The following SNX14 variants were observed in gnomAD, a reference collection of about 807,000 sequenced individuals.
SNX14 encodes the protein sorting nexin-14.
SNX14 carries 93 observed loss-of-function variants against 133.8 expected under a neutral mutation model. The ratio of observed to expected loss-of-function variants is 0.70; its 90% CI spans 0.59 to 0.83. SNX14 has a LOEUF of 0.83. SNX14 is among the 40% of genes least tolerant of loss of function. The pLI is 0.00. For synonymous variants in SNX14, 368 were observed against 365.6 expected, an observed-to-expected ratio of 1.01 and a Z score of -0.07; for missense variants, 945 against 1,094.9, an observed-to-expected ratio of 0.86 and a Z score of 1.93.
chr6:85,510,409 T>C (rs1374432942), intron 26 of SNX14, among the ~76,000 whole-genome samples: 1 of 152,216 alleles, frequency 6.6e-6, no homozygotes, highest in Non-Finnish European at 1.5e-5. Context: ...CATATGCTTG[T>C]GTGTAATCTT....
Position 85,543,296 on chromosome 6 carries a change from G to T in SNX14, c.1275C>A (p.Gly425=). The part of the protein sequence containing the change: ...IVEEIQRIAE[G]PYIDVVKLQT... ...GAAGTTTCACAACATCTATGTATGGGCCTTCAGCAACTATTAAAAAAATTC... is the reference window on the plus strand; with the variant it reads ...GAAGTTTCACAACATCTATGTATGGTCCTTCAGCAACTATTAAAAAAATTC... Residue 425 remains glycine (G), a synonymous_variant, in exon 14 of 29, where the codon GGC becomes GGA. Transcript: ENST00000314673. 1 of 1,567,912 alleles carries T rather than the reference G, an allele frequency of 6.4e-7. No homozygotes were observed. The highest frequency in any genetic ancestry group is 2.1e-5 in the Admixed American group (1 of 48,404).
In SNX14 at chr6:85,574,100, G is replaced by A. The variant is rs73751224; in HGVS notation, c.261+158C>T. ...TTTTATAATAAAATCACTGCTTTTAGCAGAGTACCTAAAAAAAACAAAAAA... is the reference window on the plus strand; with the variant it reads ...TTTTATAATAAAATCACTGCTTTTAACAGAGTACCTAAAAAAAACAAAAAA... On this transcript the variant is annotated intron_variant, in intron 2 of 28. Coordinates refer to ENST00000314673, the MANE Select transcript of SNX14 (RefSeq NM_153816.6). 4.5e-3 allele frequency among the ~76,000 whole-genome samples: 580 copies of A among 129,674 alleles called. 5 individuals carry two copies. The highest frequency in any genetic ancestry group is 0.016 in the African/African-American group (550 of 34,640). 85.1% of individuals were successfully genotyped at this position (129,674 alleles called of 152,430 possible).
chr6:85,543,630 G>A lies in SNX14; in HGVS notation c.1239C>T (p.Pro413=), dbSNP rs12720480. 6,486 of 1,584,536 alleles carry A rather than the reference G, an allele frequency of 4.1e-3. 23 individuals carry two copies. The highest frequency in any genetic ancestry group is 7.0e-3 in the Middle Eastern group (42 of 5,966). Residue 413 remains proline (P), a synonymous_variant, in exon 13 of 29, where the codon CCC becomes CCT. Transcript: ENST00000314673. ...TTCTTTGAATCTCTTCTACAATGAA[G>A]GGATCAAATCTAATTTTGTCAATAC... is the stretch of plus-strand genomic sequence containing the variant. ...DESIDKIRFD[P]FIVEEIQRIA...
chr6:85,507,366 TAAAGA>T, intron 27 of SNX14, 77 bp from the exon 28 acceptor site: 1 of 1,251,928 alleles, frequency 8.0e-7, no homozygotes, highest in Non-Finnish European at 1.1e-6. Flanking sequence ...CACACAAAAT[TAAAGA>T]TTGTGGTTAC....
At position 85,593,786 on chromosome 6, in the gene SNX14, A is replaced by C. The variant is rs542528286; in HGVS notation, c.-68T>G. On this transcript the variant is annotated 5_prime_UTR_variant, in exon 1 of 29. Coordinates refer to ENST00000314673, the MANE Select transcript of SNX14 (RefSeq NM_153816.6). ...GAGGTCAAGGCGACCCCCCATCCACACCTCGCGTCCCCGCCCCACCGACTT... is the reference window on the plus strand; with the variant it reads ...GAGGTCAAGGCGACCCCCCATCCACCCCTCGCGTCCCCGCCCCACCGACTT... The C allele has an allele frequency of 1.3e-6, 2 of 1,589,500 alleles. No individual in the cohort carries two copies.
At chr6:85,587,058 G>C (rs916118342) in intron 1 of SNX14, among the ~76,000 whole-genome samples, 1 of 151,410 alleles carries the variant, frequency 6.6e-6, no homozygotes, top group African/African-American at 2.4e-5. Context: ...AAAAAAGAAA[G>C]AGAGAGAGAC....
chr6:85,553,730 G>A (rs1396054356), intron 7 of SNX14, among the ~76,000 whole-genome samples: 1 of 150,782 alleles, frequency 6.6e-6, no homozygotes, highest in African/African-American at 2.4e-5. Context: ...AGCTTGCAGT[G>A]AGCCGAAATC....
At chr6:85,536,161 G>A (rs940850177) in intron 17 of SNX14, among the ~76,000 whole-genome samples, 2 of 152,172 alleles carry the variant, frequency 1.3e-5, no homozygotes, top group South Asian at 2.1e-4. Context: ...GGTTTATGGG[G>A]AACAGTTGCA....
chr6:85,579,352 G>A (rs1374233412), intron 1 of SNX14, among the ~76,000 whole-genome samples: 2 of 152,032 alleles, frequency 1.3e-5, no homozygotes, highest in Non-Finnish European at 2.9e-5. Flanking sequence ...GAGAGAGGCA[G>A]AACAAGATAG....
At chr6:85,553,743 G>A (rs922233421) in intron 7 of SNX14, among the ~76,000 whole-genome samples, 2 of 149,258 alleles carry the variant, frequency 1.3e-5, no homozygotes, top group African/African-American at 4.9e-5. Context: ...CCGAAATCGC[G>A]CCACTGCACT....
At chr6:85,513,691 T>G in intron 26 of SNX14, 109 bp downstream of exon 26, 1 of 765,766 alleles carries the variant, frequency 1.3e-6, no homozygotes, top group East Asian at 2.7e-5. Context: ...TGCAACTATT[T>G]GTAAAATGAA....
intron 28 of SNX14, 78 bp downstream of exon 28, chr6:85,507,151 TCTTA>T: frequency 8.1e-7 from 1 of 1,239,428 alleles, no homozygotes; most frequent in African/African-American, 1.5e-5. Context: ...ACAAGGGTTT[TCTTA>T]CATTTATGTC....
intron 1 of SNX14, among the ~76,000 whole-genome samples, chr6:85,583,731 C>A (rs549499463): frequency 2.1e-4 from 32 of 152,280 alleles, no homozygotes; most frequent in Non-Finnish European, 4.4e-4. Flanking sequence ...CAAACCACTG[C>A]TCAAGGAAAT....
In SNX14 at chr6:85,543,765, CAAAT is replaced by C. The variant is rs770530796; in HGVS notation, c.1109-9_1109-6del. The C allele has an allele frequency of 3.3e-6, 5 of 1,501,398 alleles. No individual in the cohort carries two copies. In the East Asian group the frequency reaches 7.1e-5, roughly 21 times the overall value. 93.0% of individuals were successfully genotyped at this position (1,501,398 alleles called of 1,614,324 possible). ...AAATTCTATCATTAAATTCCTCTAA[CAAAT>C]GAGGGAATGAATAAGAAAAAATAAT... On this transcript the variant is annotated splice_region_variant and splice_polypyrimidine_tract_variant and intron_variant, in intron 12 of 28. Transcript: ENST00000314673.
rs1007050899 is a variant in SNX14 at position 85,543,842 on chromosome 6, G to C, written c.1109-82C>G. ...AAGCTTCAGTCCCATTCTAATTGTA[G>C]CCAATACTAACAGCAGCAATTAGAA... On this transcript the variant is annotated intron_variant, in intron 12 of 28. Transcript: ENST00000314673. The C allele has an allele frequency of 7.4e-6, 6 of 814,940 alleles. No individual in the cohort carries two copies. In the African/African-American group the frequency reaches 1.1e-4, roughly 15 times the overall value. 50.5% of individuals were successfully genotyped at this position (814,940 alleles called of 1,614,324 possible).
At chr6:85,514,746 G>C in intron 23 of SNX14, 117 bp from the exon 24 acceptor site, 1 of 992,598 alleles carries the variant, frequency 1.0e-6, no homozygotes, top group African/African-American at 1.6e-5. Flanking sequence ...AATCAAAACA[G>C]AATATTAGAT....
intron 6 of SNX14, among the ~76,000 whole-genome samples, chr6:85,564,179 CA>C (rs1430844176): frequency 1.3e-5 from 2 of 152,196 alleles, no homozygotes; most frequent in Non-Finnish European, 2.9e-5. Context: ...CACTGATGGA[CA>C]TTTGGGTTGG....
rs1775608945 is a variant in SNX14 at position 85,517,929 on chromosome 6, A to G, written c.2149-54T>C. On this transcript the variant is annotated intron_variant, in intron 22 of 28. Transcript: ENST00000314673. ...AAAAAATAAAGGTAATTTTTAGTAC[A>G]TAATCCAGCAAAATTTATCAATATT... The G allele has an allele frequency of 1.9e-6, 3 of 1,579,278 alleles. No individual in the cohort carries two copies. The South Asian group carries it at 3.5e-5, about 19-fold the overall frequency.
intron 7 of SNX14, among the ~76,000 whole-genome samples, chr6:85,554,905 A>C (rs926842476): frequency 2.6e-5 from 4 of 151,800 alleles, no homozygotes; most frequent in Non-Finnish European, 4.4e-5. Flanking sequence ...CTGCAGTCTC[A>C]AACTCCTGGG....
Sources: gnomAD v4.1 joint callset for allele counts (sites outside exome capture counted in the v4.1 genomes callset) on GRCh38, gnomAD v4.1.1 for gene constraint, MANE v1.5 for transcripts, NCBI Gene and HGNC (gene_info 2026-07-23, HGNC 2026-07-21) for gene names.